Variants in USP49 observed in about 807,000 individuals in gnomAD.
USP49 encodes ubiquitin carboxyl-terminal hydrolase 49.
Under a neutral mutation model 58.6 loss-of-function variants are expected in USP49, and 24 were observed. That is an observed-to-expected ratio of 0.41 (90% CI 0.30 to 0.58). The LOEUF (loss-of-function observed/expected upper bound fraction) is 0.58, where lower values mean the gene tolerates loss of function less well. USP49 is among the 20% of genes least tolerant of loss of function. USP49 has a pLI of 0.30. For synonymous variants in USP49, 408 were observed against 365.1 expected, an observed-to-expected ratio of 1.12 and a Z score of -1.34; for missense variants, 703 against 866.1, an observed-to-expected ratio of 0.81 and a Z score of 2.36.
chr6:41,861,747 A>G (rs1774226561), intron 3 of USP49, among the ~76,000 whole-genome samples: 1 of 149,080 alleles, frequency 6.7e-6, no homozygotes, highest in Non-Finnish European at 1.5e-5. Flanking sequence ...TCTGTTGCCT[A>G]GGCAGGAGTG....
chr6:41,858,566 A>G (rs970270050), intron 3 of USP49, among the ~76,000 whole-genome samples: 12 of 151,236 alleles, frequency 7.9e-5, no homozygotes, highest in Non-Finnish European at 4.4e-5. Context: ...TCTTCCTCTC[A>G]CTTACTCCCC....
intron 7 of USP49, chr6:41,797,904 G>C: frequency 1.2e-6 from 1 of 829,992 alleles, no homozygotes; most frequent in Non-Finnish European, 1.5e-6. Context: ...ATCTCACTCT[G>C]TTGCCCAGGC....
At chr6:41,857,415 C>G (rs1286652764) in intron 3 of USP49, among the ~76,000 whole-genome samples, 2 of 152,152 alleles carry the variant, frequency 1.3e-5, no homozygotes, top group Admixed American at 6.6e-5. Context: ...GAGGCCAAGG[C>G]AGGTGCATCG....
intron 2 of USP49, among the ~76,000 whole-genome samples, chr6:41,888,078 G>A (rs754451407): frequency 4.0e-5 from 4 of 101,220 alleles, no homozygotes; most frequent in Non-Finnish European, 5.5e-5. Context: ...TTTTTGAGAT[G>A]CAGTGTCACT....
intron 3 of USP49, among the ~76,000 whole-genome samples, chr6:41,840,322 C>T (rs185070524): frequency 8.1e-4 from 120 of 147,424 alleles, no homozygotes; most frequent in Middle Eastern, 3.6e-3. Context: ...TGCAGTGAGC[C>T]GAGATTACAC....
rs1396037868 is a variant in USP49, at chr6:41,792,501, T to C, written c.*4032A>G. 2 of 146,690 alleles carry C rather than the reference T, an allele frequency of 1.4e-5. No homozygotes were observed. The highest frequency in any genetic ancestry group is 2.0e-4 in the East Asian group (1 of 4,918). 9.1% of individuals were successfully genotyped at this position (146,690 alleles called of 1,614,324 possible). A position where few individuals can be genotyped will look rare whatever the true frequency, so the allele number is the denominator to read the frequency against. On this transcript the variant is annotated 3_prime_UTR_variant, in exon 8 of 8. Transcript: ENST00000682992. Reference sequence around the variant, plus strand: ...CACAAGAGGTAACCTCAGATAGGGATATAGTATTCATTTAAGAAGGGGTAG... The same window carrying C: ...CACAAGAGGTAACCTCAGATAGGGACATAGTATTCATTTAAGAAGGGGTAG...
chr6:41,859,179 T>C (rs1463161316), intron 3 of USP49, among the ~76,000 whole-genome samples: 1 of 152,192 alleles, frequency 6.6e-6, no homozygotes, highest in Non-Finnish European at 1.5e-5. Context: ...TGGCTTGTCT[T>C]TCATAGTCTG....
intron 3 of USP49, among the ~76,000 whole-genome samples, chr6:41,815,545 G>C (rs937641578): frequency 3.9e-4 from 59 of 152,132 alleles, no homozygotes; most frequent in African/African-American, 1.3e-3. Context: ...GTCCTCACAG[G>C]CTGCTGCATT....
chr6:41,884,588 A>C (rs1774675551), intron 2 of USP49, among the ~76,000 whole-genome samples: 2 of 152,320 alleles, frequency 1.3e-5, no homozygotes, highest in African/African-American at 4.8e-5. Context: ...GGCTGAACAG[A>C]AGGCCTTTGT....
In USP49 at chr6:41,806,335, G is replaced by A. The variant is rs772674272; in HGVS notation, c.649C>T (p.Arg217Cys). The change falls in exon 4 of 8, where the codon CGC becomes TGC. Residue 217 changes from arginine (R) to cysteine (C), a missense_variant. Coordinates refer to ENST00000682992, the MANE Select transcript of USP49 (RefSeq NM_001286554.2). This position sits in a 1 kb window ranked among gnomAD's most constrained non-coding sequence, Gnocchi z 5.9. ...KSARLLLHTPRDAGPAASRPA... is the reference protein window; with the variant it reads ...KSARLLLHTPCDAGPAASRPA... ...CGCGAGGCAGCCGGGCCCGCGTCGC[G>A]GGGCGTGTGCAGGAGCAGCCGTGCA... 13 of 1,531,224 alleles carry A rather than the reference G, an allele frequency of 8.5e-6. No individual in the cohort carries two copies. The highest frequency in any genetic ancestry group is 2.5e-5 in the South Asian group (2 of 79,454). 94.9% of individuals were successfully genotyped at this position (1,531,224 alleles called of 1,614,324 possible).
intron 3 of USP49, among the ~76,000 whole-genome samples, chr6:41,823,572 CA>C (rs1773486855): frequency 6.6e-6 from 1 of 152,108 alleles, no homozygotes; most frequent in Admixed American, 6.5e-5. Context: ...AGTGGCAATA[CA>C]GCAGAGCCTC....
rs1202563043 is a variant in USP49 at position 41,833,009 on chromosome 6, CTTTCTTT to C, written c.-28-26005_-28-25999del. On this transcript the variant is annotated intron_variant, in intron 3 of 7. Transcript: ENST00000682992. ...TGACACAGTATTTCTTTTTTTCTTT[CTTTCTTT>C]TTTCTTTTTTTTTTTTTTGAGACAG... The C allele has an allele frequency of 2.0e-5, 3 of 149,182 alleles. No individual in the cohort carries two copies. In the Admixed American group the frequency reaches 2.0e-4, roughly 10 times the overall value. The allele number at this position is 149,182 out of a possible 1,614,324, so 9.2% of individuals were successfully genotyped here.
intron 3 of USP49, among the ~76,000 whole-genome samples, chr6:41,843,520 C>T (rs1470866043): frequency 4.6e-5 from 7 of 152,120 alleles, no homozygotes; most frequent in African/African-American, 1.4e-4. Flanking sequence ...ATGTCACGTG[C>T]CTGTAGTCTC....
intron 3 of USP49, among the ~76,000 whole-genome samples, chr6:41,809,128 T>C (rs1397814507): frequency 6.6e-6 from 1 of 151,378 alleles, no homozygotes; most frequent in Non-Finnish European, 1.5e-5. Context: ...CCCAGGCTGG[T>C]CTTAAACTTC....
At chr6:41,836,394 G>A (rs1773727635) in intron 3 of USP49, among the ~76,000 whole-genome samples, 1 of 152,100 alleles carries the variant, frequency 6.6e-6, no homozygotes, top group Admixed American at 6.6e-5. Context: ...AGCCATCTAT[G>A]ACAAACCCAC....
intron 3 of USP49, among the ~76,000 whole-genome samples, chr6:41,827,419 G>C (rs979045980): frequency 2.6e-5 from 4 of 152,152 alleles, no homozygotes; most frequent in African/African-American, 9.7e-5. Flanking sequence ...CAGGACTTTG[G>C]GAGGCCGAGG....
At chr6:41,890,271 A>G (rs537073731) in intron 2 of USP49, among the ~76,000 whole-genome samples, 1 of 150,870 alleles carries the variant, frequency 6.6e-6, no homozygotes, top group Admixed American at 6.6e-5. Flanking sequence ...CCCAGCTACT[A>G]GGGAGGCTGA....
chr6:41,820,051 C>A (rs2127333681), intron 3 of USP49, among the ~76,000 whole-genome samples: 1 of 152,214 alleles, frequency 6.6e-6, no homozygotes, highest in African/African-American at 2.4e-5. Context: ...AACCTAGAGA[C>A]ACAGCAATCA....
chr6:41,835,383 A>G (rs1381668078), intron 3 of USP49, among the ~76,000 whole-genome samples: 1 of 152,188 alleles, frequency 6.6e-6, no homozygotes, highest in Non-Finnish European at 1.5e-5. Flanking sequence ...TGGAAAATGG[A>G]AGGAATTGGG....
Sources: allele counts gnomAD v4.1 joint callset (sites outside exome capture counted in the v4.1 genomes callset), GRCh38; gene constraint gnomAD v4.1.1; non-coding constraint Gnocchi (gnomAD v3.1); transcripts MANE v1.5; gene names NCBI Gene and HGNC (gene_info 2026-07-23, HGNC 2026-07-21).